Variants in CD163L1 observed in about 807,000 individuals in gnomAD.
CD163L1 encodes the protein CD163 molecule like 1, also known as scavenger receptor cysteine-rich type 1 protein M160.
CD163L1 carries 124 observed loss-of-function variants against 165.4 expected under a neutral mutation model. The ratio of observed to expected loss-of-function variants is 0.75; its 90% CI spans 0.65 to 0.87. The LOEUF is 0.87. Ranked by LOEUF, CD163L1 falls within the 40% of genes least tolerant of loss-of-function variation. CD163L1 has a pLI of 0.00. For synonymous variants in CD163L1, 585 were observed against 662.2 expected (o/e 0.88, Z 1.79); for missense variants, 1,525 against 1,799.9 (o/e 0.85, Z 2.76).
At position 7,359,861 on chromosome 12, in the gene CD163L1, C is replaced by G. The variant is rs1435787013; in HGVS notation, c.4280-2375G>C. Among the ~76,000 whole-genome samples the G allele has an allele frequency of 3.3e-5, 5 of 152,090 alleles. No individual in the cohort carries two copies. The East Asian group carries it at 9.6e-4, about 29-fold the overall frequency. On this transcript the variant is annotated intron_variant, in intron 18 of 19. Transcript: ENST00000313599. ...ACTTTGTTTAATTGTTTCCTGACCC[C>G]TTTAGAAATCTGTATTCATTTTAAT...
At chr12:7,410,314 A>G (rs1218114696) in intron 4 of CD163L1, among the ~76,000 whole-genome samples, 2 of 152,178 alleles carry the variant, frequency 1.3e-5, no homozygotes, top group African/African-American at 4.8e-5. Flanking sequence ...TTGAAAATAT[A>G]ACAGTTAAAG....
chr12:7,419,127 A>G (rs1441584067), intron 4 of CD163L1, among the ~76,000 whole-genome samples: 1 of 151,824 alleles, frequency 6.6e-6, no homozygotes, highest in Admixed American at 6.6e-5. Flanking sequence ...AACACTAGCT[A>G]ATTGAATCCA....
At chr12:7,323,801 G>C in the CD163L1 span, among the ~76,000 whole-genome samples, 1 of 152,126 alleles carries the variant, frequency 6.6e-6, no homozygotes, top group African/African-American at 2.4e-5. Flanking sequence ...TGCAGTTGGG[G>C]GGTGCTAGAG....
At chr12:7,337,540 A>T in the CD163L1 span, among the ~76,000 whole-genome samples, 1 of 152,176 alleles carries the variant, frequency 6.6e-6, no homozygotes, top group South Asian at 2.1e-4. Context: ...AAAACAAGAC[A>T]TTTATGCAGC....
At chr12:7,345,197 T>A (rs148486650), downstream of CD163L1, among the ~76,000 whole-genome samples, 42 of 152,214 alleles carry the variant, frequency 2.8e-4, 1 homozygote, top group African/African-American at 7.2e-4. Flanking sequence ...TATGCTTTGC[T>A]TCTCTTTTAA....
intron 6 of CD163L1, among the ~76,000 whole-genome samples, chr12:7,402,133 G>A (rs949224907): frequency 6.6e-6 from 1 of 151,716 alleles, no homozygotes; most frequent in Non-Finnish European, 1.5e-5. Context: ...AGAATGTCAG[G>A]TTAGTATAAT....
chr12:7,359,803 GA>G (rs1366541073), intron 18 of CD163L1, among the ~76,000 whole-genome samples: 2 of 152,184 alleles, frequency 1.3e-5, no homozygotes, highest in African/African-American at 4.8e-5. Flanking sequence ...TAGAATTCTG[GA>G]TTGACAGTTC....
At chr12:7,367,692 C>T (rs372571596) in intron 17 of CD163L1, 1 of 234,432 alleles carries the variant, frequency 4.3e-6, no homozygotes. Context: ...AAAGGCCACA[C>T]AGCTAGTAAG....
At chr12:7,442,341 T>G (rs1382791809) in intron 1 of CD163L1, among the ~76,000 whole-genome samples, 1 of 152,192 alleles carries the variant, frequency 6.6e-6, no homozygotes, top group Non-Finnish European at 1.5e-5. Context: ...GAAAGGCCCA[T>G]GCTGCTTGGG....
chr12:7,356,407 G>GA (rs1269385535), intron 19 of CD163L1, among the ~76,000 whole-genome samples: 1 of 151,854 alleles, frequency 6.6e-6, no homozygotes, highest in Non-Finnish European at 1.5e-5. Context: ...ATATTTTTGA[G>GA]AAAAAACGGA....
At chr12:7,424,319 T>C (rs1367764636) in intron 4 of CD163L1, among the ~76,000 whole-genome samples, 2 of 148,994 alleles carry the variant, frequency 1.3e-5, no homozygotes, top group African/African-American at 4.9e-5. Flanking sequence ...ATAAACTAGG[T>C]ATTGATGGAA....
At chr12:7,431,068 T>TA (rs1249479345) in intron 4 of CD163L1, among the ~76,000 whole-genome samples, 1 of 152,102 alleles carries the variant, frequency 6.6e-6, no homozygotes, top group Non-Finnish European at 1.5e-5. Flanking sequence ...AGTGACTTCT[T>TA]AGAGGTGGTA....
chr12:7,422,723 A>G (rs1430131009), intron 4 of CD163L1, among the ~76,000 whole-genome samples: 2 of 143,948 alleles, frequency 1.4e-5, no homozygotes, highest in Non-Finnish European at 3.0e-5. Context: ...GTATATATGT[A>G]TATGAATATA....
At chr12:7,442,439 C>T (rs971632277) in intron 1 of CD163L1, among the ~76,000 whole-genome samples, 2 of 152,138 alleles carry the variant, frequency 1.3e-5, no homozygotes, top group Non-Finnish European at 2.9e-5. Context: ...AAATGGATCC[C>T]GGGCACTTCT....
chr12:7,427,424 A>G (rs1198398825), intron 4 of CD163L1, among the ~76,000 whole-genome samples: 1 of 152,118 alleles, frequency 6.6e-6, no homozygotes, highest in African/African-American at 2.4e-5. Context: ...TTCTACCTCA[A>G]AAGACCTACA....
chr12:7,354,102 T>C (rs1298159805), downstream of CD163L1, among the ~76,000 whole-genome samples: 1 of 152,054 alleles, frequency 6.6e-6, no homozygotes, highest in Non-Finnish European at 1.5e-5. Flanking sequence ...GTCTCCTGAT[T>C]TTTAGGATTT....
intron 4 of CD163L1, among the ~76,000 whole-genome samples, chr12:7,415,474 C>A (rs761458723): frequency 1.3e-5 from 2 of 152,152 alleles, no homozygotes; most frequent in African/African-American, 4.8e-5. Flanking sequence ...ATGTGCAGAA[C>A]ATGCAGGTTT....
rs113514468 is a variant in CD163L1, at chr12:7,442,555, A to G, written c.32-1309T>C. Among the ~76,000 whole-genome samples the G allele has an allele frequency of 4.2e-3, 644 of 152,334 alleles. 5 individuals carry two copies. The highest frequency in any genetic ancestry group is 0.015 in the African/African-American group (609 of 41,578). ...CACATCCATCATTCTTGGAAAATGT[A>G]CCCAAATCAAGAGAAAACCCTCCCT... On this transcript the variant is annotated intron_variant, in intron 1 of 19. Transcript: ENST00000313599.
the CD163L1 span, among the ~76,000 whole-genome samples, chr12:7,339,655 G>A: frequency 6.6e-6 from 1 of 152,068 alleles, no homozygotes; most frequent in East Asian, 1.9e-4. Context: ...CTTAGACTAA[G>A]ACCACTGAGA....
Sources: allele counts gnomAD v4.1 joint callset (sites outside exome capture counted in the v4.1 genomes callset), GRCh38; gene constraint gnomAD v4.1.1; transcripts MANE v1.5; gene names NCBI Gene and HGNC (gene_info 2026-07-23, HGNC 2026-07-21).